Variants in INPP4B observed in about 807,000 individuals in gnomAD.
INPP4B encodes inositol polyphosphate-4-phosphatase type II B.
INPP4B carries 55 observed loss-of-function variants against 122.5 expected under a neutral mutation model. The observed-to-expected ratio is 0.45, with a 90% confidence interval of 0.36 to 0.56. The LOEUF is 0.56. Ranked by LOEUF, INPP4B falls within the 20% of genes least tolerant of loss-of-function variation. The probability of loss-of-function intolerance (pLI) is 0.00; values close to 1 mark genes in which losing one functional copy is unlikely to be tolerated. For synonymous variants in INPP4B, 403 were observed against 388.7 expected (o/e 1.04, Z -0.43); for missense variants, 1,000 against 1,097.7 (o/e 0.91, Z 1.26).
rs542749690 is a variant in INPP4B at position 142,193,398 on chromosome 4, A to C, written c.1073-203T>G. 1.2e-4 allele frequency among the ~76,000 whole-genome samples: 18 copies of C among 152,268 alleles called. No individual in the cohort carries two copies. In the South Asian group the frequency reaches 1.7e-3, roughly 14 times the overall value. On this transcript the variant is annotated intron_variant, in intron 14 of 25. Transcript: ENST00000262992. ...AAAGCCACCTGTGCACCTAAACAAG[A>C]TATAATGTTTTCCTGATTTATGACT...
At chr4:142,090,613 A>G (rs550359824) in intron 23 of INPP4B, among the ~76,000 whole-genome samples, 1 of 152,242 alleles carries the variant, frequency 6.6e-6, no homozygotes, top group Admixed American at 6.5e-5. Context: ...ATATAGCCAA[A>G]GAGTCTTGCT....
intron 6 of INPP4B, 151 bp downstream of exon 6, chr4:142,405,055 T>C (rs1327883867): frequency 3.5e-6 from 2 of 569,060 alleles, no homozygotes; most frequent in East Asian, 5.8e-5. Flanking sequence ...TAATGCAGCA[T>C]TGCTACAGAC....
At chr4:142,267,232 A>G (rs1743245560) in intron 10 of INPP4B, among the ~76,000 whole-genome samples, 1 of 152,210 alleles carries the variant, frequency 6.6e-6, no homozygotes, top group Admixed American at 6.5e-5. Context: ...AGAAACCACA[A>G]AAGAGCTTGA....
intron 11 of INPP4B, among the ~76,000 whole-genome samples, chr4:142,240,071 C>CTT (rs397878976): frequency 0.031 from 4,107 of 132,482 alleles, 183 homozygotes; most frequent in African/African-American, 0.11. Flanking sequence ...TTATTGTTTT[C>CTT]TTTTTTTTTT....
At position 142,798,602 on chromosome 4, in the gene INPP4B, G is replaced by A. The variant is rs375147579; in HGVS notation, c.-254+47607C>T. On this transcript the variant is annotated intron_variant, in intron 1 of 25. Coordinates refer to ENST00000262992, the MANE Select transcript of INPP4B (RefSeq NM_001101669.3). ...ACAGAACAAGAGTAGAAATTAAAATGTGTCATCAAAAGTGATGCAGATACA... is the reference window on the plus strand; with the variant it reads ...ACAGAACAAGAGTAGAAATTAAAATATGTCATCAAAAGTGATGCAGATACA... 6.6e-5 allele frequency among the ~76,000 whole-genome samples: 10 copies of A among 151,868 alleles called. No homozygotes were observed. In the South Asian group the frequency reaches 1.2e-3, roughly 19 times the overall value.
chr4:142,051,022 T>A (rs1359418770), intron 25 of INPP4B, among the ~76,000 whole-genome samples: 34 of 152,078 alleles, frequency 2.2e-4, no homozygotes, highest in Admixed American at 2.0e-3. Flanking sequence ...AGGAATTTTT[T>A]AAAATTTCTC....
chr4:142,762,076 G>GAA (rs1771422622), intron 1 of INPP4B, among the ~76,000 whole-genome samples: 1 of 152,060 alleles, frequency 6.6e-6, no homozygotes, highest in Non-Finnish European at 1.5e-5. Flanking sequence ...CTCAGGCAGA[G>GAA]AGTTGTCTGT....
At chr4:142,810,564 A>G (rs1402110762) in intron 1 of INPP4B, among the ~76,000 whole-genome samples, 2 of 152,218 alleles carry the variant, frequency 1.3e-5, no homozygotes, top group Non-Finnish European at 2.9e-5. Flanking sequence ...GCCACAGCTA[A>G]TATACACAAT....
rs188253440 is a variant in INPP4B at position 142,689,954 on chromosome 4, C to T, written c.-191+35885G>A. Among the ~76,000 whole-genome samples, 190 of 152,228 alleles carry T rather than the reference C, an allele frequency of 1.2e-3. 1 individual carries two copies. The highest frequency in any genetic ancestry group is 6.0e-4 in the African/African-American group (25 of 41,552). On this transcript the variant is annotated intron_variant, in intron 2 of 25. Transcript: ENST00000262992. ...TCCTTATCTTGCAACGTAGATAGAT[C>T]GCAACTACTGTCTGCATAACAAAAT...
rs759401562 is a variant in INPP4B at position 142,092,453 on chromosome 4, G to T, written c.2375-6197C>A. Among the ~76,000 whole-genome samples the T allele has an allele frequency of 1.1e-4, 16 of 151,986 alleles. 1 individual carries two copies. The highest frequency in any genetic ancestry group is 1.9e-4 in the Non-Finnish European group (13 of 67,992). ...TTACAGGCACCCGCCATCATGCCTGGCTAATTTTTGTATTTTTATAGAAAT... is the reference window on the plus strand; with the variant it reads ...TTACAGGCACCCGCCATCATGCCTGTCTAATTTTTGTATTTTTATAGAAAT... On this transcript the variant is annotated intron_variant, in intron 23 of 25. Coordinates refer to ENST00000262992, the MANE Select transcript of INPP4B (RefSeq NM_001101669.3).
At chr4:142,551,430 G>A (rs976907376) in intron 2 of INPP4B, among the ~76,000 whole-genome samples, 5 of 152,038 alleles carry the variant, frequency 3.3e-5, no homozygotes, top group Non-Finnish European at 5.9e-5. Context: ...AGAGAGGGAG[G>A]GTAAAGAGAC....
chr4:142,502,065 A>G (rs1823451477), intron 2 of INPP4B, among the ~76,000 whole-genome samples: 1 of 152,180 alleles, frequency 6.6e-6, no homozygotes, highest in African/African-American at 2.4e-5. Context: ...AACAGTAGCT[A>G]AGGACATCAG....
intron 7 of INPP4B, among the ~76,000 whole-genome samples, chr4:142,319,106 G>A (rs1419368373): frequency 2.0e-5 from 3 of 152,250 alleles, no homozygotes; most frequent in Non-Finnish European, 4.4e-5. Flanking sequence ...TCCAGACCCA[G>A]AGAAGGAAAA....
intron 8 of INPP4B, among the ~76,000 whole-genome samples, chr4:142,309,458 G>A (rs1764622098): frequency 6.6e-6 from 1 of 152,162 alleles, no homozygotes. Context: ...AGTAGTATTA[G>A]ATTACATAGG....
chr4:142,626,278 A>T lies in INPP4B; in HGVS notation c.-191+99561T>A, dbSNP rs1170350938. On this transcript the variant is annotated intron_variant, in intron 2 of 25. Coordinates refer to ENST00000262992, the MANE Select transcript of INPP4B (RefSeq NM_001101669.3). Reference sequence around the variant, plus strand: ...CATCCCCATGGTTAGGTTAATAATCAGTTGAGTTTATTCAAAAGGAAAATT... The same window carrying T: ...CATCCCCATGGTTAGGTTAATAATCTGTTGAGTTTATTCAAAAGGAAAATT... 2.0e-5 allele frequency among the ~76,000 whole-genome samples: 3 copies of T among 152,096 alleles called. No homozygotes were observed. In the East Asian group the frequency reaches 5.8e-4, roughly 29 times the overall value.
At chr4:142,136,161 C>T (rs915719924) in intron 18 of INPP4B, among the ~76,000 whole-genome samples, 1 of 152,092 alleles carries the variant, frequency 6.6e-6, no homozygotes, top group East Asian at 1.9e-4. Context: ...AGTACAGAGC[C>T]TCAAAGGCAG....
chr4:142,573,288 G>A (rs1733204673), intron 2 of INPP4B, among the ~76,000 whole-genome samples: 1 of 152,040 alleles, frequency 6.6e-6, no homozygotes, highest in Admixed American at 6.6e-5. Context: ...AGACTTGGGT[G>A]GGGACACAGA....
intron 2 of INPP4B, among the ~76,000 whole-genome samples, chr4:142,560,879 C>T (rs1190154287): frequency 1.3e-5 from 2 of 152,132 alleles, no homozygotes; most frequent in African/African-American, 4.8e-5. Context: ...TTGCATCCTT[C>T]AATGCAGTCA....
chr4:142,391,249 A>G (rs1159413413), intron 7 of INPP4B, among the ~76,000 whole-genome samples: 4 of 152,206 alleles, frequency 2.6e-5, no homozygotes, highest in Admixed American at 1.3e-4. Context: ...ATTCAAGAGG[A>G]CAAAGTCCAG....
Sources: gnomAD v4.1 joint callset for allele counts (sites outside exome capture counted in the v4.1 genomes callset) on GRCh38, gnomAD v4.1.1 for gene constraint, MANE v1.5 for transcripts, NCBI Gene and HGNC (gene_info 2026-07-23, HGNC 2026-07-21) for gene names.